POF1B: variants seen among roughly 807,000 people sequenced by gnomAD.
POF1B encodes the protein POF1B actin binding protein.
A neutral mutation model predicts 55.3 loss-of-function variants in POF1B; 53 were observed. The observed-to-expected ratio is 0.96, with a 90% CI of 0.77 to 1.20. The LOEUF (loss-of-function observed/expected upper bound fraction) is 1.20, where lower values mean the gene tolerates loss of function less well. Ranked by LOEUF, POF1B falls within the 50% of genes most tolerant of loss-of-function variation. The pLI is 0.00. For synonymous variants in POF1B, 188 were observed against 148.3 expected, an observed-to-expected ratio of 1.27 and a Z score of -1.95; for missense variants, 478 against 420.5, an observed-to-expected ratio of 1.14 and a Z score of -1.20.
At chrX:85,335,229 A>G (rs182498068) in intron 6 of POF1B, among the ~76,000 whole-genome samples, 20 of 111,816 alleles carry the variant, frequency 1.8e-4, no homozygotes, top group Admixed American at 1.6e-3. Context: ...ATATTAAGTA[A>G]TAAGATCTGC....
intron 6 of POF1B, 29 bp from the exon 7 acceptor site, chrX:85,331,108 G>A (rs1458624581): frequency 3.4e-6 from 4 of 1,172,087 alleles, no homozygotes; most frequent in Admixed American, 4.8e-5. Flanking sequence ...ACAATTGTAA[G>A]CAATATTAAG....
chrX:85,316,659 T>TATTTAAAG (rs1032958026), intron 7 of POF1B, among the ~76,000 whole-genome samples: 32 of 111,718 alleles, frequency 2.9e-4, no homozygotes, highest in African/African-American at 9.7e-4. Flanking sequence ...ATATTTATTT[T>TATTTAAAG]ATTTAAAGTA....
rs1319892471 is a variant in POF1B, at chrX:85,278,682, GT to G, written c.*738del. On this transcript the variant is annotated 3_prime_UTR_variant, in exon 17 of 17. Transcript: ENST00000262753. ...CTACTACTACCACATTGTGTTATAT[GT>G]TTTTTAAGAAGTAGGTAGGCTCATT... 2 of 111,044 alleles carry G rather than the reference GT, an allele frequency of 1.8e-5. No homozygotes were observed. Among genetic ancestry groups the G allele is most frequent in the East Asian group, 5.7e-4 (2 of 3,517 alleles). 9.2% of individuals were successfully genotyped at this position (111,044 alleles called of 1,213,427 possible).
intron 3 of POF1B, among the ~76,000 whole-genome samples, chrX:85,364,863 C>T (rs1368883182): frequency 8.9e-6 from 1 of 112,287 alleles, no homozygotes. Context: ...TTTGCTTTCT[C>T]CCTGTCCCTT....
Position 85,279,347 on chromosome X carries a change from A to G in POF1B, c.*74T>C. 2 of 1,021,210 alleles carry G rather than the reference A, an allele frequency of 2.0e-6. No homozygotes were observed. The highest frequency in any genetic ancestry group is 2.7e-6 in the Non-Finnish European group (2 of 745,618). 84.2% of individuals were successfully genotyped at this position (1,021,210 alleles called of 1,213,427 possible). On this transcript the variant is annotated 3_prime_UTR_variant, in exon 17 of 17. Coordinates refer to ENST00000262753, the MANE Select transcript of POF1B (RefSeq NM_024921.4). Reference sequence around the variant, plus strand: ...ATTGGCCTTTAGTGATGGAAAAATAACAAAGTACTAATGCAGAGACACACA... The same window carrying G: ...ATTGGCCTTTAGTGATGGAAAAATAGCAAAGTACTAATGCAGAGACACACA...
chrX:85,284,685 C>T (rs1367023115), intron 15 of POF1B, among the ~76,000 whole-genome samples: 3 of 111,640 alleles, frequency 2.7e-5, no homozygotes, highest in East Asian at 2.8e-4. Flanking sequence ...AAATGTTAGA[C>T]CTAAAACCAT....
intron 3 of POF1B, among the ~76,000 whole-genome samples, chrX:85,366,213 G>T (rs966302289): frequency 8.1e-5 from 9 of 111,561 alleles, no homozygotes; most frequent in Non-Finnish European, 1.3e-4. Flanking sequence ...CTCTTATGGA[G>T]AGGGGGAAGA....
At chrX:85,305,499 TCATGA>T in intron 13 of POF1B, among the ~76,000 whole-genome samples, 1 of 111,161 alleles carries the variant, frequency 9.0e-6, no homozygotes, top group East Asian at 2.8e-4. Context: ...TTAGGCAAGA[TCATGA>T]AGAGTCCTCC....
chrX:85,306,839 A>G (rs2147905446), intron 11 of POF1B, among the ~76,000 whole-genome samples: 1 of 111,867 alleles, frequency 8.9e-6, no homozygotes, highest in South Asian at 3.7e-4. Context: ...ATTAAGGTCT[A>G]CAACAGCTTT....
intron 7 of POF1B, among the ~76,000 whole-genome samples, chrX:85,317,546 T>A (rs1460730990): frequency 9.0e-6 from 1 of 110,740 alleles, no homozygotes; most frequent in Non-Finnish European, 1.9e-5. Context: ...GGTTTTTTCA[T>A]ATGCTTGTCA....
At chrX:85,328,832 T>TA (rs201888020) in intron 7 of POF1B, among the ~76,000 whole-genome samples, 329 of 88,488 alleles carry the variant, frequency 3.7e-3, no homozygotes, top group East Asian at 0.016. Flanking sequence ...ATTTAGTATG[T>TA]AAAAAAAAAA....
In POF1B at chrX:85,282,226, T is replaced by A. The variant is rs1931917507; in HGVS notation, c.1741A>T (p.Lys581Ter). 8.4e-7 allele frequency: 1 copy of A among 1,186,864 alleles called. No individual in the cohort carries two copies. Residue 581 changes from lysine (K) to a stop codon, truncating the protein, a stop_gained, in exon 16 of 17, where the codon AAA (lysine) becomes TAA (stop). Coordinates refer to ENST00000262753, the MANE Select transcript of POF1B (RefSeq NM_024921.4). LOFTEE classifies it high-confidence loss of function. ...ACACAAGTGTATTTGTCTTCTGTTT[T>A]CTCAATCACAATAGTCTGTGTTTCA... ...GSETQTIVIEKTEDKYTCP is the reference protein window; with the variant it reads ...GSETQTIVIE
At chrX:85,350,234 C>T (rs868753603) in intron 5 of POF1B, among the ~76,000 whole-genome samples, 1 of 104,213 alleles carries the variant, frequency 9.6e-6, no homozygotes, top group Non-Finnish European at 2.0e-5. Context: ...CTTCTTGTGT[C>T]CATGTGTTCT....
intron 6 of POF1B, among the ~76,000 whole-genome samples, chrX:85,339,166 G>A (rs1933126817): frequency 9.0e-6 from 1 of 110,933 alleles, no homozygotes; most frequent in Non-Finnish European, 1.9e-5. Flanking sequence ...AGATAGGGAA[G>A]ACCAAGCCAT....
intron 3 of POF1B, among the ~76,000 whole-genome samples, chrX:85,360,278 G>A (rs1340212002): frequency 9.4e-6 from 1 of 106,729 alleles, no homozygotes; most frequent in Non-Finnish European, 1.9e-5. Context: ...CTAGTACCCA[G>A]TAGTTATTTT....
intron 6 of POF1B, among the ~76,000 whole-genome samples, chrX:85,334,287 G>T (rs779161554): frequency 3.9e-4 from 43 of 110,812 alleles, no homozygotes; most frequent in Admixed American, 1.2e-3. Flanking sequence ...ATACTGACTT[G>T]AAATATAGCT....
At chrX:85,319,603 C>A (rs1932817042) in intron 7 of POF1B, among the ~76,000 whole-genome samples, 1 of 111,142 alleles carries the variant, frequency 9.0e-6, no homozygotes, top group Admixed American at 9.6e-5. Flanking sequence ...ATCAAAAAAC[C>A]TTTTCCGTAT....
At chrX:85,292,291 T>A (rs749188823) in intron 15 of POF1B, among the ~76,000 whole-genome samples, 1 of 112,068 alleles carries the variant, frequency 8.9e-6, no homozygotes, top group Non-Finnish European at 1.9e-5. Flanking sequence ...GAAGCCTACT[T>A]GATTGTGGTG....
intron 4 of POF1B, among the ~76,000 whole-genome samples, chrX:85,355,289 C>T (rs765805646): frequency 6.3e-5 from 7 of 111,836 alleles, no homozygotes; most frequent in East Asian, 5.7e-4. Context: ...CTTCCTTACA[C>T]CTTATACAAA....
Sources: allele counts gnomAD v4.1 joint callset (sites outside exome capture counted in the v4.1 genomes callset), GRCh38; gene constraint gnomAD v4.1.1; transcripts MANE v1.5; gene names NCBI Gene and HGNC (gene_info 2026-07-23, HGNC 2026-07-21).